Variants in HDAC4 observed in about 807,000 individuals in gnomAD.
HDAC4 encodes the protein histone deacetylase A.
HDAC4 carries 16 observed loss-of-function variants against 135.1 expected under a neutral mutation model. The observed-to-expected ratio is 0.12, with a 90% CI of 0.08 to 0.18. HDAC4 has a LOEUF of 0.18. Ranked by LOEUF, HDAC4 falls within the 10% of genes least tolerant of loss-of-function variation. The pLI is 1.00. For synonymous variants in HDAC4, 685 were observed against 653.4 expected (o/e 1.05, Z -0.74); for missense variants, 1,143 against 1,511.8 (o/e 0.76, Z 4.05).
intron 11 of HDAC4, among the ~76,000 whole-genome samples, chr2:239,126,925 T>A (rs1264204750): frequency 3.9e-5 from 6 of 152,190 alleles, no homozygotes; most frequent in Non-Finnish European, 8.8e-5. Flanking sequence ...CAATTTTCTA[T>A]GAAAATCAGG....
chr2:239,194,530 C>T (rs970566080), intron 3 of HDAC4, among the ~76,000 whole-genome samples: 10 of 152,306 alleles, frequency 6.6e-5, no homozygotes, highest in Admixed American at 5.2e-4. Flanking sequence ...GGTCACAGCT[C>T]GACCCAAGTC....
chr2:239,328,717 A>T (rs1691331809), intron 2 of HDAC4, among the ~76,000 whole-genome samples: 1 of 152,170 alleles, frequency 6.6e-6, no homozygotes, highest in Non-Finnish European at 1.5e-5. Context: ...CTCTGAGAAA[A>T]GGACTTTGTC....
intron 2 of HDAC4, among the ~76,000 whole-genome samples, chr2:239,261,923 CGGA>C (rs2049395122): frequency 6.6e-6 from 1 of 152,214 alleles, no homozygotes; most frequent in Admixed American, 6.5e-5. Context: ...AAGCCTATGT[CGGA>C]GGGTCCTCGG....
rs1251654805 is a variant in HDAC4 at position 239,054,788 on chromosome 2, T to C, written c.3049A>G (p.Asn1017Asp). 7 of 1,613,736 alleles carry C rather than the reference T, an allele frequency of 4.3e-6. No homozygotes were observed. Among genetic ancestry groups the C allele is most frequent in the Non-Finnish European group, 5.9e-6 (7 of 1,179,680 alleles). The change falls in exon 25 of 27, where the codon AAC becomes GAC. Residue 1017 changes from asparagine (N) to aspartate (D), a missense_variant. Asn to Asp is a conservative substitution (Grantham distance 23, BLOSUM62 1). Around this residue, in one of 9 missense-constraint regions of HDAC4, gnomAD observed 131 missense variants for 130.6 expected, o/e 1.00. Coordinates refer to ENST00000543185, the MANE Select transcript of HDAC4 (RefSeq NM_001378414.1). ...ACTTTCTCCATGGAACGGACAGCGT[T>C]TGCATTGGGTCTTTGCTGTAAAACC... is the stretch of plus-strand genomic sequence containing the variant. ...EKVLQQRPNA[N>D]AVRSMEKVME...
chr2:239,062,353 G>C (rs1033554440), intron 24 of HDAC4, among the ~76,000 whole-genome samples: 6 of 152,206 alleles, frequency 3.9e-5, no homozygotes, highest in Non-Finnish European at 2.9e-5. Context: ...TGGCGGCCCC[G>C]CCTGTGTGTG....
At chr2:239,109,506 C>T (rs1273612265) in intron 14 of HDAC4, among the ~76,000 whole-genome samples, 1 of 152,126 alleles carries the variant, frequency 6.6e-6, no homozygotes, top group Non-Finnish European at 1.5e-5. Flanking sequence ...TCCCATACTT[C>T]CTGGCTCAGC....
At chr2:239,130,162 C>G (rs1189945744) in intron 11 of HDAC4, among the ~76,000 whole-genome samples, 1 of 152,190 alleles carries the variant, frequency 6.6e-6, no homozygotes, top group African/African-American at 2.4e-5. Context: ...CCCGGCCGCC[C>G]AAGGGAACAA....
chr2:239,092,555 T>C (rs1370383564), intron 17 of HDAC4, among the ~76,000 whole-genome samples: 1 of 152,196 alleles, frequency 6.6e-6, no homozygotes, highest in Non-Finnish European at 1.5e-5. Context: ...CCTGTGTCTG[T>C]GCCCCCTCCC....
intron 11 of HDAC4, among the ~76,000 whole-genome samples, chr2:239,131,022 G>T (rs2040542183): frequency 6.6e-6 from 1 of 152,356 alleles, no homozygotes; most frequent in South Asian, 2.1e-4. Context: ...GTTATGCGGA[G>T]ACTAATCTCC....
At chr2:239,273,633 C>T (rs540725234) in intron 2 of HDAC4, among the ~76,000 whole-genome samples, 6 of 152,298 alleles carry the variant, frequency 3.9e-5, no homozygotes, top group African/African-American at 1.4e-4. Flanking sequence ...CAACTAGCCC[C>T]GGTCCGGCGC....
At chr2:239,250,804 A>G (rs575066971) in intron 2 of HDAC4, among the ~76,000 whole-genome samples, 2 of 152,316 alleles carry the variant, frequency 1.3e-5, no homozygotes, top group South Asian at 4.1e-4. Context: ...GCCACAGCGA[A>G]GGGGCACGAC....
At chr2:239,325,942 G>C (rs990133820) in intron 2 of HDAC4, among the ~76,000 whole-genome samples, 1 of 151,976 alleles carries the variant, frequency 6.6e-6, no homozygotes, top group Non-Finnish European at 1.5e-5. Context: ...CTCCAGGCTG[G>C]GCAACAGAGT....
At chr2:239,159,693 C>T (rs2042666743) in intron 6 of HDAC4, among the ~76,000 whole-genome samples, 1 of 152,180 alleles carries the variant, frequency 6.6e-6, no homozygotes, top group South Asian at 2.1e-4. Flanking sequence ...TCACACTCAC[C>T]CCGGCCACAC....
intron 2 of HDAC4, among the ~76,000 whole-genome samples, chr2:239,259,806 A>G (rs1575547294): frequency 6.6e-6 from 1 of 152,348 alleles, no homozygotes; most frequent in South Asian, 2.1e-4. Flanking sequence ...CTCAGCCCAG[A>G]GCCTGTGGTA....
chr2:239,256,414 C>T lies in HDAC4; in HGVS notation c.23-19750G>A, dbSNP rs547248554. On this transcript the variant is annotated intron_variant, in intron 2 of 26. Coordinates refer to ENST00000543185, the MANE Select transcript of HDAC4 (RefSeq NM_001378414.1). The stretch of plus-strand genomic sequence containing the variant: ...CGCAGGGGAAAGAGATTCAGAACAA[C>T]ACATGGGGGAAAGGACAGGCTGGTC... Among the ~76,000 whole-genome samples, 12 of 152,336 alleles carry T rather than the reference C, an allele frequency of 7.9e-5. No homozygotes were observed. The South Asian group carries it at 2.5e-3, about 32-fold the overall frequency.
chr2:239,101,030 A>T (rs3791397), intron 16 of HDAC4, among the ~76,000 whole-genome samples: 89,420 of 151,996 alleles, frequency 0.59, 26,796 homozygotes, highest in African/African-American at 0.7. Flanking sequence ...TAGCCTCTGC[A>T]GTTGCTGAGC....
At position 239,052,903 on chromosome 2, in the gene HDAC4, C is replaced by G. The variant is rs747051451; in HGVS notation, c.*194G>C. The G allele has an allele frequency of 7.7e-6, 5 of 650,092 alleles. No homozygotes were observed. Among genetic ancestry groups the G allele is most frequent in the African/African-American group, 1.8e-5 (1 of 55,354 alleles). The allele number at this position is 650,092 out of a possible 1,614,324, so 40.3% of individuals were successfully genotyped here. ...CGTGTTCCCTGTGAGGCTGCCACGC[C>G]CAGGCGTGCATGTGCGTCTCGAGAC... is the stretch of plus-strand genomic sequence containing the variant. On this transcript the variant is annotated 3_prime_UTR_variant, in exon 27 of 27. Coordinates refer to ENST00000543185, the MANE Select transcript of HDAC4 (RefSeq NM_001378414.1).
chr2:239,179,191 C>A (rs1395015468), intron 4 of HDAC4, among the ~76,000 whole-genome samples: 1 of 152,222 alleles, frequency 6.6e-6, no homozygotes, highest in Non-Finnish European at 1.5e-5. Flanking sequence ...CCATGAGTGG[C>A]TGCGCTGGCA....
chr2:239,278,392 T>G (rs1234509763), intron 2 of HDAC4, among the ~76,000 whole-genome samples: 1 of 152,226 alleles, frequency 6.6e-6, no homozygotes, highest in African/African-American at 2.4e-5. Flanking sequence ...AAAACATATT[T>G]TGGGCCAGGA....
Sources: gnomAD v4.1 joint callset for allele counts (sites outside exome capture counted in the v4.1 genomes callset) on GRCh38, gnomAD v4.1.1 for gene constraint, gnomAD v4.1.1 regional missense constraint, MANE v1.5 for transcripts, NCBI Gene and HGNC (gene_info 2026-07-23, HGNC 2026-07-21) for gene names.